Variants in GLI2 observed in about 807,000 individuals in gnomAD.
GLI2 encodes the protein transcription activator GLI2.
In GLI2, 22 loss-of-function variants were observed where a neutral mutation model predicts 78.9. That is an observed-to-expected ratio of 0.28 (90% CI 0.20 to 0.40). GLI2 has a LOEUF of 0.40. Among genes scored for constraint, GLI2 ranks in the 10% least tolerant of loss-of-function variants. The probability of loss-of-function intolerance (pLI) is 1.00; values close to 1 mark genes in which losing one functional copy is unlikely to be tolerated. For missense variants in GLI2, 2,097 were observed against 2,213.2 expected, an observed-to-expected ratio of 0.95 and a Z score of 1.05; for synonymous variants, 974 against 963.7, an observed-to-expected ratio of 1.01 and a Z score of -0.20.
chr2:120,959,253 G>A (rs955448166), intron 5 of GLI2, among the ~76,000 whole-genome samples: 1 of 152,134 alleles, frequency 6.6e-6, no homozygotes, highest in Non-Finnish European at 1.5e-5. Flanking sequence ...CTCCGCCTTG[G>A]GAACACATCT....
Position 120,737,362 on chromosome 2 carries a change from G to A in GLI2, c.-31+1077G>A, listed in dbSNP as rs1682397141. On this transcript the variant is annotated intron_variant, in intron 1 of 13. Transcript: ENST00000361492. The surrounding 1 kb of genome is among the most constrained non-coding windows in gnomAD (Gnocchi z 4.3). ...GCGCGGGGAGCTGGGGATGGAGCCC[G>A]TGCGCCTCACCCTGGGTGATCGGTC... 6.6e-6 allele frequency among the ~76,000 whole-genome samples: 1 copy of A among 152,106 alleles called. No individual in the cohort carries two copies. Among genetic ancestry groups the A allele is most frequent in the Non-Finnish European group, 1.5e-5 (1 of 68,020 alleles).
At chr2:120,796,915 G>GGGCCTTTCTTT (rs1684423421) in intron 1 of GLI2, among the ~76,000 whole-genome samples, 2 of 152,158 alleles carry the variant, frequency 1.3e-5, no homozygotes, top group South Asian at 4.1e-4. Flanking sequence ...CTTTCTTTGA[G>GGGCCTTTCTTT]GACCTCTAGG....
intron 2 of GLI2, among the ~76,000 whole-genome samples, chr2:120,923,891 T>C (rs1424510786): frequency 6.6e-6 from 1 of 151,972 alleles, no homozygotes; most frequent in Non-Finnish European, 1.5e-5. Context: ...GGCTTAGTCT[T>C]GTGGGGCAGA....
chr2:120,756,759 T>A (rs938968805), intron 1 of GLI2, among the ~76,000 whole-genome samples: 7 of 152,346 alleles, frequency 4.6e-5, no homozygotes, highest in Non-Finnish European at 1.0e-4. Flanking sequence ...TCCTTTGTTC[T>A]GGCTGCTTTT....
At chr2:120,778,784 G>A (rs543765504) in intron 1 of GLI2, among the ~76,000 whole-genome samples, 4 of 152,346 alleles carry the variant, frequency 2.6e-5, no homozygotes, top group Admixed American at 6.5e-5. Context: ...CTGAAGCTGC[G>A]ACAGGGAAGC....
intron 4 of GLI2, among the ~76,000 whole-genome samples, chr2:120,953,283 T>G (rs1181449988): frequency 1.3e-5 from 2 of 152,114 alleles, no homozygotes; most frequent in South Asian, 4.2e-4. Flanking sequence ...GAAGGCTATG[T>G]GAAGTCAGAG....
intron 2 of GLI2, among the ~76,000 whole-genome samples, chr2:120,922,318 C>T (rs1162447495): frequency 6.6e-6 from 1 of 152,198 alleles, no homozygotes; most frequent in African/African-American, 2.4e-5. Flanking sequence ...GGTCCCTGGT[C>T]TTACTCCTTG....
chr2:120,804,090 A>G (rs970636054), intron 2 of GLI2, among the ~76,000 whole-genome samples: 2 of 152,180 alleles, frequency 1.3e-5, no homozygotes, highest in Non-Finnish European at 2.9e-5. Context: ...TCTGAGGCAC[A>G]GTTTTGCTTA....
intron 2 of GLI2, among the ~76,000 whole-genome samples, chr2:120,878,401 C>T (rs1161860311): frequency 6.6e-6 from 1 of 152,176 alleles, no homozygotes; most frequent in Non-Finnish European, 1.5e-5. Context: ...GCAGTAAAGT[C>T]ACTTTATGGT....
intron 1 of GLI2, among the ~76,000 whole-genome samples, chr2:120,763,807 C>T (rs1683290277): frequency 6.6e-6 from 1 of 152,230 alleles, no homozygotes; most frequent in African/African-American, 2.4e-5. Flanking sequence ...ACTGATGTGT[C>T]TGTGGGTGGG....
chr2:120,864,530 G>A (rs1688039497), intron 2 of GLI2, among the ~76,000 whole-genome samples: 1 of 152,118 alleles, frequency 6.6e-6, no homozygotes, highest in African/African-American at 2.4e-5. Flanking sequence ...GGAGTGCAGT[G>A]GCACGATCTC....
At chr2:120,964,727 C>T (rs547707637) in intron 5 of GLI2, among the ~76,000 whole-genome samples, 1 of 152,322 alleles carries the variant, frequency 6.6e-6, no homozygotes, top group East Asian at 1.9e-4. Flanking sequence ...GAGGAGAGGA[C>T]GAGGAGGCAG....
In GLI2 at chr2:120,762,139, C is replaced by T. The variant is rs1244795454; in HGVS notation, c.-31+25854C>T. On this transcript the variant is annotated intron_variant, in intron 1 of 13. Coordinates refer to ENST00000361492, the MANE Select transcript of GLI2 (RefSeq NM_001374353.1). ...AGGGACATAATGAGACCGAGTAGCCCAAGCTGGTGGCAGTCATGGCCTCTA... is the reference window on the plus strand; with the variant it reads ...AGGGACATAATGAGACCGAGTAGCCTAAGCTGGTGGCAGTCATGGCCTCTA... Among the ~76,000 whole-genome samples the T allele has an allele frequency of 2.0e-5, 3 of 152,126 alleles. No homozygotes were observed. The East Asian group carries it at 5.8e-4, about 29-fold the overall frequency.
At chr2:120,916,674 T>A (rs1679114924) in intron 2 of GLI2, among the ~76,000 whole-genome samples, 1 of 152,234 alleles carries the variant, frequency 6.6e-6, no homozygotes, top group Non-Finnish European at 1.5e-5. Flanking sequence ...CCTCTTACAT[T>A]GAGCGAGTAG....
chr2:120,906,706 G>T (rs952883916), intron 2 of GLI2, among the ~76,000 whole-genome samples: 40 of 151,914 alleles, frequency 2.6e-4, no homozygotes, highest in Admixed American at 8.5e-4. Flanking sequence ...CTCAAACTCA[G>T]CACTTTCTCG....
At position 120,990,923 on chromosome 2, in the gene GLI2, C is replaced by T; in HGVS notation, c.*248C>T. Reference sequence around the variant, plus strand: ...CAGGAAGGAATGCAAAACTCATTTACACAGTGCTTTCCAGCCTTTGGTGCT... The same window carrying T: ...CAGGAAGGAATGCAAAACTCATTTATACAGTGCTTTCCAGCCTTTGGTGCT... On this transcript the variant is annotated 3_prime_UTR_variant, in exon 14 of 14. Transcript: ENST00000361492. 1.9e-6 allele frequency: 1 copy of T among 538,610 alleles called. No homozygotes were observed. Among genetic ancestry groups the T allele is most frequent in the African/African-American group, 1.9e-5 (1 of 53,088 alleles). 33.4% of individuals were successfully genotyped at this position (538,610 alleles called of 1,614,324 possible).
intron 2 of GLI2, among the ~76,000 whole-genome samples, chr2:120,803,199 T>C (rs1220859027): frequency 6.6e-6 from 1 of 152,220 alleles, no homozygotes; most frequent in Non-Finnish European, 1.5e-5. Context: ...AAGGAAGTAG[T>C]GAGAAGCAGC....
chr2:120,880,383 C>T (rs1487950404), intron 2 of GLI2, among the ~76,000 whole-genome samples: 2 of 152,126 alleles, frequency 1.3e-5, no homozygotes, highest in African/African-American at 4.8e-5. Flanking sequence ...TGATTAAATT[C>T]ATCCATCTTC....
In GLI2 at chr2:120,970,651, G is replaced by T. The variant is rs530662434; in HGVS notation, c.1059+45G>T. 4 of 1,464,258 alleles carry T rather than the reference G, an allele frequency of 2.7e-6. No individual in the cohort carries two copies. The South Asian group carries it at 3.4e-5, about 13-fold the overall frequency. 90.7% of individuals were successfully genotyped at this position (1,464,258 alleles called of 1,614,324 possible). A position where few individuals can be genotyped will look rare whatever the true frequency, so the allele number is the denominator to read the frequency against. On this transcript the variant is annotated intron_variant, in intron 7 of 13. Coordinates refer to ENST00000361492, the MANE Select transcript of GLI2 (RefSeq NM_001374353.1). ...AGGATGGCCACTGGGTACTCATCTG[G>T]ACACATGAGGGTTGTTCACTGCCAG... is the stretch of plus-strand genomic sequence containing the variant.
Sources: gnomAD v4.1 joint callset for allele counts (sites outside exome capture counted in the v4.1 genomes callset) on GRCh38, gnomAD v4.1.1 for gene constraint, Gnocchi (gnomAD v3.1) non-coding constraint, MANE v1.5 for transcripts, NCBI Gene and HGNC (gene_info 2026-07-23, HGNC 2026-07-21) for gene names.